Variants in FAM227B observed in about 807,000 individuals in gnomAD.
FAM227B encodes the protein family with sequence similarity 227 member B.
Under a neutral mutation model 73.8 loss-of-function variants are expected in FAM227B, and 88 were observed. The observed-to-expected ratio is 1.19, with a 90% CI of 1.00 to 1.42. The LOEUF (loss-of-function observed/expected upper bound fraction) is 1.42, where lower values mean the gene tolerates loss of function less well. FAM227B is among the 40% of genes most tolerant of loss of function. FAM227B has a pLI of 0.00. For synonymous variants in FAM227B, 210 were observed against 190.5 expected, an observed-to-expected ratio of 1.10 and a Z score of -0.84; for missense variants, 632 against 590.9, an observed-to-expected ratio of 1.07 and a Z score of -0.72.
intron 10 of FAM227B, among the ~76,000 whole-genome samples, chr15:49,537,412 T>G (rs532261212): frequency 6.6e-6 from 1 of 152,078 alleles, no homozygotes; most frequent in Non-Finnish European, 1.5e-5. Flanking sequence ...AGTCAAGAGA[T>G]TAAAAAAATT....
chr15:49,328,984 A>G, intron 15 of FAM227B: 1 of 1,043,800 alleles, frequency 9.6e-7, no homozygotes, highest in South Asian at 4.4e-5. Flanking sequence ...TAATTCAGAT[A>G]ATTCAGTTTG....
At chr15:49,519,188 A>T (rs1051405937) in intron 10 of FAM227B, among the ~76,000 whole-genome samples, 2 of 152,214 alleles carry the variant, frequency 1.3e-5, no homozygotes, top group Non-Finnish European at 2.9e-5. Flanking sequence ...GGCCTTGGGC[A>T]GCTCCACCCC....
At chr15:49,464,090 T>C (rs1262334023) in intron 11 of FAM227B, among the ~76,000 whole-genome samples, 1 of 152,190 alleles carries the variant, frequency 6.6e-6, no homozygotes, top group Non-Finnish European at 1.5e-5. Flanking sequence ...ATTCTATTAG[T>C]TTCATTGGCT....
intron 11 of FAM227B, among the ~76,000 whole-genome samples, chr15:49,455,416 A>AT (rs1186529249): frequency 6.6e-6 from 1 of 152,152 alleles, no homozygotes; most frequent in Non-Finnish European, 1.5e-5. Flanking sequence ...AAACCCCAGC[A>AT]TTTTTCAAAC....
intron 11 of FAM227B, among the ~76,000 whole-genome samples, chr15:49,392,282 C>T (rs2047262946): frequency 6.6e-6 from 1 of 151,976 alleles, no homozygotes; most frequent in Non-Finnish European, 1.5e-5. Context: ...TGAATTAGTA[C>T]CTTGGAGAAG....
chr15:49,555,339 C>A (rs1276892099), intron 9 of FAM227B, among the ~76,000 whole-genome samples: 1 of 152,122 alleles, frequency 6.6e-6, no homozygotes. Flanking sequence ...GATATTAATT[C>A]TTGTTTGGAA....
At chr15:49,573,969 A>G (rs1873876550) in intron 8 of FAM227B, among the ~76,000 whole-genome samples, 1 of 152,100 alleles carries the variant, frequency 6.6e-6, no homozygotes, top group Admixed American at 6.6e-5. Flanking sequence ...GTGCATAAAT[A>G]TTTGGAATTG....
At chr15:49,552,808 T>C (rs927251436) in intron 9 of FAM227B, among the ~76,000 whole-genome samples, 1 of 152,168 alleles carries the variant, frequency 6.6e-6, no homozygotes. Context: ...AGCTCCAGAA[T>C]TTCTGCTTCT....
chr15:49,475,032 G>A (rs945900630), intron 11 of FAM227B, among the ~76,000 whole-genome samples: 3 of 152,006 alleles, frequency 2.0e-5, no homozygotes, highest in African/African-American at 4.8e-5. Flanking sequence ...ACAATGGTAT[G>A]GAAAACATAC....
intron 9 of FAM227B, among the ~76,000 whole-genome samples, chr15:49,549,931 T>G (rs1201621193): frequency 1.8e-5 from 2 of 113,830 alleles, no homozygotes; most frequent in Non-Finnish European, 4.1e-5. Flanking sequence ...CCCACCTCCC[T>G]CCCGGATGGG....
At chr15:49,433,525 A>G (rs2050804636) in intron 11 of FAM227B, among the ~76,000 whole-genome samples, 1 of 151,762 alleles carries the variant, frequency 6.6e-6, no homozygotes, top group Admixed American at 6.6e-5. Context: ...GTGGGCAAGA[A>G]TTAAAAGCCT....
At chr15:49,367,027 A>G (rs997276634) in intron 13 of FAM227B, among the ~76,000 whole-genome samples, 7 of 152,158 alleles carry the variant, frequency 4.6e-5, no homozygotes, top group African/African-American at 1.7e-4. Flanking sequence ...TTTAATGTGT[A>G]AAAAATGTTC....
intron 15 of FAM227B, chr15:49,330,767 G>T (rs2151138396): frequency 6.6e-6 from 1 of 150,646 alleles, no homozygotes; most frequent in East Asian, 2.0e-4. Context: ...AAGAGAGAAA[G>T]AATGAATATT....
intron 10 of FAM227B, among the ~76,000 whole-genome samples, chr15:49,526,072 G>C (rs936243015): frequency 1.3e-5 from 2 of 151,916 alleles, no homozygotes; most frequent in African/African-American, 4.8e-5. Flanking sequence ...ATTTAAAGAA[G>C]ATTCTACCCA....
At position 49,422,145 on chromosome 15, in the gene FAM227B, A is replaced by AGAGAGAGAGAGTGT. The variant is rs757128514; in HGVS notation, c.1013-50747_1013-50746insACACTCTCTCTCTC. 7.4e-4 allele frequency among the ~76,000 whole-genome samples: 103 copies of AGAGAGAGAGAGTGT among 139,912 alleles called. 1 individual carries two copies. Among genetic ancestry groups the AGAGAGAGAGAGTGT allele is most frequent in the African/African-American group, 2.4e-3 (96 of 39,476 alleles). 91.8% of individuals were successfully genotyped at this position (139,912 alleles called of 152,430 possible). ...TAGAGAGAGAGAGAGAGAGAGAGAGAGTGTGTGTGTGTGTGTGTGCGCGCG... is the reference window on the plus strand; with the variant it reads ...TAGAGAGAGAGAGAGAGAGAGAGAGAGAGAGAGAGAGTGTGTGTGTGTGTGTGTGTGTGCGCGCG... On this transcript the variant is annotated intron_variant, in intron 11 of 15. Coordinates refer to ENST00000299338, the MANE Select transcript of FAM227B (RefSeq NM_152647.3).
intron 3 of FAM227B, among the ~76,000 whole-genome samples, chr15:49,590,884 T>C (rs2076482334): frequency 2.0e-5 from 3 of 152,122 alleles, no homozygotes; most frequent in African/African-American, 7.2e-5. Context: ...TCCATTTTTA[T>C]ACATTCCACT....
chr15:49,356,163 T>G (rs1389603098), intron 13 of FAM227B, among the ~76,000 whole-genome samples: 1 of 150,640 alleles, frequency 6.6e-6, no homozygotes. Context: ...CCATCGAGAC[T>G]AGGAAGAAAC....
At chr15:49,425,322 A>AT (rs1034869390) in intron 11 of FAM227B, 2 of 151,930 alleles carry the variant, frequency 1.3e-5, no homozygotes, top group African/African-American at 2.4e-5. Flanking sequence ...AAAGCCTTAC[A>AT]TTTTTCCCAA....
At chr15:49,378,568 T>C (rs1024497542) in intron 11 of FAM227B, among the ~76,000 whole-genome samples, 4 of 152,156 alleles carry the variant, frequency 2.6e-5, no homozygotes, top group African/African-American at 7.2e-5. Flanking sequence ...TGTGTGACTA[T>C]TGTAAATGGG....
Sources: gnomAD v4.1 joint callset for allele counts (sites outside exome capture counted in the v4.1 genomes callset) on GRCh38, gnomAD v4.1.1 for gene constraint, MANE v1.5 for transcripts, NCBI Gene and HGNC (gene_info 2026-07-23, HGNC 2026-07-21) for gene names.